LRRIQ1: variants seen among roughly 807,000 people sequenced by gnomAD.
LRRIQ1 encodes the protein leucine-rich repeat- and IQ domain-containing protein 1.
In LRRIQ1, 210 loss-of-function variants were observed where a neutral mutation model predicts 211.9. The observed-to-expected ratio is 0.99, with a 90% confidence interval of 0.89 to 1.11. LRRIQ1 has a LOEUF of 1.11. Among genes scored for constraint, LRRIQ1 ranks in the 50% most tolerant of loss-of-function variants. The pLI, the probability that LRRIQ1 is intolerant of heterozygous loss-of-function variation, is 0.00. For synonymous variants in LRRIQ1, 699 were observed against 650.1 expected (o/e 1.08, Z -1.14); for missense variants, 2,136 against 1,939.5 (o/e 1.10, Z -1.90).
intron 7 of LRRIQ1, among the ~76,000 whole-genome samples, chr12:85,053,555 CTTTG>C (rs1048435282): frequency 3.3e-5 from 5 of 152,080 alleles, no homozygotes; most frequent in South Asian, 2.1e-4. Flanking sequence ...ATAATGGTTT[CTTTG>C]TTTATTAGTG....
At chr12:85,119,100 T>C (rs749781775) in intron 15 of LRRIQ1, among the ~76,000 whole-genome samples, 11 of 152,150 alleles carry the variant, frequency 7.2e-5, no homozygotes, top group Non-Finnish European at 1.6e-4. Context: ...TATAATTACA[T>C]GTATCCACTA....
chr12:85,211,319 T>G (rs994598394), intron 24 of LRRIQ1, among the ~76,000 whole-genome samples: 1 of 152,206 alleles, frequency 6.6e-6, no homozygotes, highest in African/African-American at 2.4e-5. Flanking sequence ...TCTTTTGACT[T>G]ATTTACTTTG....
At chr12:85,189,812 A>G (rs1892402121) in intron 24 of LRRIQ1, among the ~76,000 whole-genome samples, 1 of 146,002 alleles carries the variant, frequency 6.8e-6, no homozygotes, top group Admixed American at 7.0e-5. Context: ...GTAACTGTAC[A>G]GTTAATATAA....
chr12:85,059,994 A>G (rs537225382), intron 8 of LRRIQ1, among the ~76,000 whole-genome samples: 2 of 152,008 alleles, frequency 1.3e-5, no homozygotes, highest in Non-Finnish European at 2.9e-5. Context: ...ACTAAGTTCT[A>G]TGTTAAGACT....
intron 24 of LRRIQ1, among the ~76,000 whole-genome samples, chr12:85,196,068 C>G (rs1892889536): frequency 6.6e-6 from 1 of 152,118 alleles, no homozygotes; most frequent in East Asian, 1.9e-4. Context: ...AGTGAACTCC[C>G]ATTCACAATT....
At chr12:85,190,795 C>T (rs1003098184) in intron 24 of LRRIQ1, among the ~76,000 whole-genome samples, 17 of 151,798 alleles carry the variant, frequency 1.1e-4, no homozygotes, top group African/African-American at 4.1e-4. Context: ...GCTGAGCATA[C>T]AGTAGTCTTT....
At chr12:85,090,308 C>T (rs536682927) in intron 11 of LRRIQ1, among the ~76,000 whole-genome samples, 3 of 152,224 alleles carry the variant, frequency 2.0e-5, no homozygotes, top group East Asian at 1.9e-4. Context: ...ATTGGAGGCC[C>T]GACACAGTCT....
chr12:85,200,047 A>G (rs967189421), intron 24 of LRRIQ1, among the ~76,000 whole-genome samples: 2 of 152,106 alleles, frequency 1.3e-5, no homozygotes, highest in African/African-American at 2.4e-5. Flanking sequence ...TGAATCTGTA[A>G]ATTGCTTTGG....
rs1173272355 is a variant in LRRIQ1, at chr12:85,073,027, C to T, written c.2816C>T (p.Ser939Phe). 3 of 1,612,058 alleles carry T rather than the reference C, an allele frequency of 1.9e-6. No individual in the cohort carries two copies. Among genetic ancestry groups the T allele is most frequent in the East Asian group, 2.2e-5 (1 of 44,814 alleles). ...QVWIPTGLCW[S>F]WIPITSLTKN... ...TGGATTCCAACTGGATTATGTTGGT[C>T]CTGGATACCTATTACCTCACTTACA... is the stretch of plus-strand genomic sequence containing the variant. Residue 939 changes from serine to phenylalanine, a missense_variant, in exon 11 of 27, where the codon TCC (serine) becomes TTC (phenylalanine). Coordinates refer to ENST00000393217, the MANE Select transcript of LRRIQ1 (RefSeq NM_001079910.2).
At chr12:85,130,296 G>C (rs1211851936) in intron 18 of LRRIQ1, among the ~76,000 whole-genome samples, 1 of 152,028 alleles carries the variant, frequency 6.6e-6, no homozygotes, top group African/African-American at 2.4e-5. Flanking sequence ...GAAACTCTGA[G>C]AAAAAATAAA....
At chr12:85,143,170 T>C (rs1387763974) in intron 19 of LRRIQ1, among the ~76,000 whole-genome samples, 1 of 151,710 alleles carries the variant, frequency 6.6e-6, no homozygotes, top group Non-Finnish European at 1.5e-5. Flanking sequence ...TGAGGTGATA[T>C]CTCATTGTGG....
intron 24 of LRRIQ1, among the ~76,000 whole-genome samples, chr12:85,220,059 T>C (rs1894324992): frequency 6.6e-6 from 1 of 152,164 alleles, no homozygotes; most frequent in Non-Finnish European, 1.5e-5. Context: ...TTTTGCTTTA[T>C]AGTGTAAATC....
At chr12:85,234,133 A>G (rs1895073531) in intron 26 of LRRIQ1, among the ~76,000 whole-genome samples, 1 of 152,050 alleles carries the variant, frequency 6.6e-6, no homozygotes, top group African/African-American at 2.4e-5. Context: ...GCTACTTGGG[A>G]GGCTTAGGTG....
chr12:85,078,103 A>G (rs1883866757), intron 11 of LRRIQ1, among the ~76,000 whole-genome samples: 1 of 152,108 alleles, frequency 6.6e-6, no homozygotes, highest in African/African-American at 2.4e-5. Context: ...ATTACTGTTT[A>G]ATCAGTTGTG....
chr12:85,189,800 C>G (rs999727982), intron 24 of LRRIQ1, among the ~76,000 whole-genome samples: 1 of 144,656 alleles, frequency 6.9e-6, no homozygotes, highest in Admixed American at 7.1e-5. Flanking sequence ...TTTATTATAT[C>G]TGTAACTGTA....
At chr12:85,239,615 A>G (rs1348064886) in intron 26 of LRRIQ1, among the ~76,000 whole-genome samples, 1 of 152,020 alleles carries the variant, frequency 6.6e-6, no homozygotes, top group Admixed American at 6.6e-5. Flanking sequence ...CTTGACTCCT[A>G]CTTCTCATCT....
chr12:85,211,251 A>G (rs1410195120), intron 24 of LRRIQ1, among the ~76,000 whole-genome samples: 3 of 152,240 alleles, frequency 2.0e-5, no homozygotes, highest in Non-Finnish European at 4.4e-5. Context: ...ACATGGAATT[A>G]TAGAACGAAT....
chr12:85,079,958 A>G (rs1263182865), intron 11 of LRRIQ1, among the ~76,000 whole-genome samples: 1 of 152,042 alleles, frequency 6.6e-6, no homozygotes, highest in Admixed American at 6.6e-5. Context: ...TCTTTCATCT[A>G]CAATGTTCCT....
intron 24 of LRRIQ1, among the ~76,000 whole-genome samples, chr12:85,210,710 C>T (rs752381052): frequency 6.6e-6 from 1 of 152,226 alleles, no homozygotes; most frequent in Non-Finnish European, 1.5e-5. Flanking sequence ...ATGGGACTCT[C>T]GTGTTTCTGA....
Sources: gnomAD v4.1 joint callset for allele counts (sites outside exome capture counted in the v4.1 genomes callset) on GRCh38, gnomAD v4.1.1 for gene constraint, MANE v1.5 for transcripts, NCBI Gene and HGNC (gene_info 2026-07-23, HGNC 2026-07-21) for gene names.